Variants in GAREM1 observed in about 807,000 individuals in gnomAD.
The protein encoded by GAREM1 is GRB2-associated and regulator of MAPK protein 1.
A neutral mutation model predicts 71.3 loss-of-function variants in GAREM1; 26 were observed. That is an observed-to-expected ratio of 0.36 (90% CI 0.27 to 0.51). The LOEUF is 0.51. GAREM1 is among the 20% of genes least tolerant of loss of function. The pLI, the probability that GAREM1 is intolerant of heterozygous loss-of-function variation, is 0.95. For missense variants in GAREM1, 1,026 were observed against 1,103.1 expected (o/e 0.93, Z 0.99); for synonymous variants, 440 against 433.2 (o/e 1.02, Z -0.20).
intron 2 of GAREM1, among the ~76,000 whole-genome samples, chr18:32,363,212 CAA>C (rs543796545): frequency 7.0e-5 from 9 of 128,904 alleles, no homozygotes; most frequent in African/African-American, 1.1e-4. Context: ...TGTCTCAAGG[CAA>C]AAAAAAAAAA....
rs150947882 is a variant in GAREM1 at position 32,440,004 on chromosome 18, T to C, written c.121+30304A>G. 7.9e-4 allele frequency among the ~76,000 whole-genome samples: 121 copies of C among 152,326 alleles called. 1 individual carries two copies. Among genetic ancestry groups the C allele is most frequent in the African/African-American group, 2.4e-3 (100 of 41,586 alleles). On this transcript the variant is annotated intron_variant, in intron 1 of 5. Coordinates refer to ENST00000269209, the MANE Select transcript of GAREM1 (RefSeq NM_001242409.2). ...TCCCTTAGGACCAGCGGGGGCACTC[T>C]TGCACAGTTTCTGCACATCTGCTCC...
chr18:32,273,609 C>G (rs2041496067), intron 4 of GAREM1, among the ~76,000 whole-genome samples: 1 of 152,090 alleles, frequency 6.6e-6, no homozygotes, highest in Non-Finnish European at 1.5e-5. Context: ...CCAGGGCCAA[C>G]TGGGAGTGTT....
chr18:32,277,471 T>C (rs1364416820), intron 4 of GAREM1, among the ~76,000 whole-genome samples: 8 of 152,204 alleles, frequency 5.3e-5, no homozygotes. Flanking sequence ...AATGGTAGCA[T>C]ATCATCTTAA....
In GAREM1 at chr18:32,321,285, C is replaced by T. The variant is rs184400849; in HGVS notation, c.263-10962G>A. 5.8e-4 allele frequency among the ~76,000 whole-genome samples: 89 copies of T among 152,302 alleles called. No individual in the cohort carries two copies. In the South Asian group the frequency reaches 0.015, roughly 25 times the overall value. ...TTAGCTTATGCAAACATTTCCCCAC[C>T]ATCTGTGCAACCAGTACTCACTCTT... On this transcript the variant is annotated intron_variant, in intron 2 of 5. Transcript: ENST00000269209.
rs370417289 is a variant in GAREM1 at position 32,309,385 on chromosome 18, G to A, written c.393+808C>T. On this transcript the variant is annotated intron_variant, in intron 3 of 5. Transcript: ENST00000269209. ...AATCCCAGCACTTTGGGAGGCCAAGGTGGGCAGATCACGAGGTCAGGAGCT... is the reference window on the plus strand; with the variant it reads ...AATCCCAGCACTTTGGGAGGCCAAGATGGGCAGATCACGAGGTCAGGAGCT... Among the ~76,000 whole-genome samples the A allele has an allele frequency of 6.0e-5, 9 of 149,054 alleles. 2 individuals are homozygous for A. Among genetic ancestry groups the A allele is most frequent in the African/African-American group, 2.2e-4 (9 of 40,026 alleles).
chr18:32,309,407 A>C lies in GAREM1; in HGVS notation c.393+786T>G, dbSNP rs1465626849. Among the ~76,000 whole-genome samples the C allele has an allele frequency of 4.0e-5, 6 of 148,844 alleles. 1 individual carries two copies. The highest frequency in any genetic ancestry group is 8.9e-5 in the Non-Finnish European group (6 of 67,188). On this transcript the variant is annotated intron_variant, in intron 3 of 5. Coordinates refer to ENST00000269209, the MANE Select transcript of GAREM1 (RefSeq NM_001242409.2). ...AAGGTGGGCAGATCACGAGGTCAGG[A>C]GCTTGAGACCATCCTGGCTAACACG...
chr18:32,366,269 A>G (rs2047927730), intron 2 of GAREM1, among the ~76,000 whole-genome samples: 1 of 152,018 alleles, frequency 6.6e-6, no homozygotes, highest in African/African-American at 2.4e-5. Flanking sequence ...CTATAATACT[A>G]CTTATTACCT....
At chr18:32,463,618 G>T (rs527760063) in intron 1 of GAREM1, among the ~76,000 whole-genome samples, 1 of 146,226 alleles carries the variant, frequency 6.8e-6, no homozygotes, top group East Asian at 2.0e-4. Context: ...CGCCCAGGCC[G>T]GGGTGCAGTG....
intron 5 of GAREM1, 138 bp from the exon 6 acceptor site, chr18:32,268,906 T>C (rs2041416390): frequency 1.5e-6 from 1 of 647,262 alleles, no homozygotes; most frequent in East Asian, 2.8e-5. Flanking sequence ...CTAACTTCAC[T>C]GGGTTTTTTT....
intron 2 of GAREM1, among the ~76,000 whole-genome samples, chr18:32,358,431 C>G (rs753784): frequency 0.16 from 23,805 of 152,032 alleles, 2,668 homozygotes; most frequent in African/African-American, 0.32. Flanking sequence ...AGGGCCACCA[C>G]AGACTTCCCA....
chr18:32,314,590 G>GT (rs1282318787), intron 2 of GAREM1, among the ~76,000 whole-genome samples: 1 of 140,522 alleles, frequency 7.1e-6, no homozygotes, highest in African/African-American at 3.0e-5. Context: ...ACTTTTTGTT[G>GT]TTGTTTTTTT....
At chr18:32,424,053 T>C (rs1321259195) in intron 1 of GAREM1, among the ~76,000 whole-genome samples, 1 of 152,072 alleles carries the variant, frequency 6.6e-6, no homozygotes, top group African/African-American at 2.4e-5. Flanking sequence ...AGAGGATCAC[T>C]TGAGCCCAGG....
chr18:32,347,809 C>G (rs2047710671), intron 2 of GAREM1, among the ~76,000 whole-genome samples: 2 of 152,154 alleles, frequency 1.3e-5, no homozygotes, highest in African/African-American at 2.4e-5. Context: ...AAAAACAGTA[C>G]AACTGTGGCT....
rs2041394515 is a variant in GAREM1 at position 32,267,792 on chromosome 18, C to T, written c.*79G>A. ...ACAGAGAAGGTTTTTAGTGCAAAAA[C>T]ATGAAATTGTGTCCCAGCCCACCCC... On this transcript the variant is annotated 3_prime_UTR_variant, in exon 6 of 6. Coordinates refer to ENST00000269209, the MANE Select transcript of GAREM1 (RefSeq NM_001242409.2). 2.5e-6 allele frequency: 3 copies of T among 1,197,726 alleles called. No homozygotes were observed. The highest frequency in any genetic ancestry group is 1.5e-5 in the South Asian group (1 of 65,880). 74.2% of individuals were successfully genotyped at this position (1,197,726 alleles called of 1,614,324 possible).
intron 2 of GAREM1, among the ~76,000 whole-genome samples, chr18:32,352,847 A>G (rs2047765197): frequency 6.6e-6 from 1 of 152,146 alleles, no homozygotes; most frequent in Non-Finnish European, 1.5e-5. Flanking sequence ...GTAGAAGAGG[A>G]AACTCCCCAG....
intron 3 of GAREM1, among the ~76,000 whole-genome samples, chr18:32,299,483 C>G (rs2047178808): frequency 7.5e-6 from 1 of 133,128 alleles, no homozygotes; most frequent in Non-Finnish European, 1.5e-5. Flanking sequence ...CACTGTACTC[C>G]AGCCTGGGTG....
intron 1 of GAREM1, among the ~76,000 whole-genome samples, chr18:32,409,484 G>T (rs763396336): frequency 5.3e-5 from 8 of 152,044 alleles, no homozygotes; most frequent in Non-Finnish European, 1.2e-4. Context: ...GAAGAAAATC[G>T]AGATTAATCT....
At chr18:32,308,843 T>C (rs2047284690) in intron 3 of GAREM1, among the ~76,000 whole-genome samples, 1 of 150,350 alleles carries the variant, frequency 6.7e-6, no homozygotes, top group South Asian at 2.1e-4. Context: ...AAAGCAGCTG[T>C]ATTTTGGAAC....
intron 2 of GAREM1, among the ~76,000 whole-genome samples, chr18:32,360,537 A>T (rs1037239211): frequency 6.6e-6 from 1 of 152,080 alleles, no homozygotes; most frequent in African/African-American, 2.4e-5. Context: ...GAGGACCCTC[A>T]AATGTTGTAT....
Sources: allele counts gnomAD v4.1 joint callset (sites outside exome capture counted in the v4.1 genomes callset), GRCh38; gene constraint gnomAD v4.1.1; transcripts MANE v1.5; gene names NCBI Gene and HGNC (gene_info 2026-07-23, HGNC 2026-07-21).